Variants in NCKAP1L observed in about 807,000 individuals in gnomAD.
NCKAP1L encodes the protein nck-associated protein 1-like.
In NCKAP1L, 53 loss-of-function variants were observed where a neutral mutation model predicts 139.2. That is an observed-to-expected ratio of 0.38 (90% CI 0.31 to 0.48). The LOEUF (loss-of-function observed/expected upper bound fraction) is 0.48. NCKAP1L is among the 20% of genes least tolerant of loss of function. The pLI is 0.98. For synonymous variants in NCKAP1L, 468 were observed against 499.7 expected (o/e 0.94, Z 0.85); for missense variants, 1,151 against 1,381.9 (o/e 0.83, Z 2.65).
At position 54,542,923 on chromosome 12, in the gene NCKAP1L, C is replaced by A; in HGVS notation, c.*238C>A. 4.5e-6 allele frequency: 2 copies of A among 443,708 alleles called. No homozygotes were observed. Among genetic ancestry groups the A allele is most frequent in the Non-Finnish European group, 8.1e-6 (2 of 247,918 alleles). The allele number at this position is 443,708 out of a possible 1,614,324, so 27.5% of individuals were successfully genotyped here. ...TTATGGAAAAAGTTAGGGCGTGGGG[C>A]CACATGTGTGAATTTTACAATGAAA... On this transcript the variant is annotated 3_prime_UTR_variant, in exon 31 of 31. Coordinates refer to ENST00000293373, the MANE Select transcript of NCKAP1L (RefSeq NM_005337.5).
At chr12:54,534,981 T>C (rs1592352565) in intron 26 of NCKAP1L, 123 bp from the exon 27 acceptor site, 1 of 626,260 alleles carries the variant, frequency 1.6e-6, no homozygotes. Flanking sequence ...TCTCTACATA[T>C]ATATAAAAGC....
At position 54,547,503 on chromosome 12, in the gene NCKAP1L, C is replaced by CGCGTGTGTGT. The variant is rs1555173116; in HGVS notation, c.*4819_*4820insCGTGTGTGTG. The CGCGTGTGTGT allele has an allele frequency of 6.8e-6, 1 of 146,698 alleles. No homozygotes were observed. The highest frequency in any genetic ancestry group is 1.5e-5 in the Non-Finnish European group (1 of 66,626). 9.1% of individuals were successfully genotyped at this position (146,698 alleles called of 1,614,324 possible). ...TCACGAATAACTTTGTGTGTGTGTG[C>CGCGTGTGTGT]GTGTGTGTGTGTGTGTGTGTGTGTG... On this transcript the variant is annotated 3_prime_UTR_variant, in exon 31 of 31. Transcript: ENST00000293373.
chr12:54,518,179 A>C (rs1286042900), intron 13 of NCKAP1L, among the ~76,000 whole-genome samples: 1 of 152,072 alleles, frequency 6.6e-6, no homozygotes, highest in Non-Finnish European at 1.5e-5. Context: ...TCTCTACTAA[A>C]AATGCAAAAA....
intron 9 of NCKAP1L, among the ~76,000 whole-genome samples, chr12:54,515,649 G>A (rs748719574): frequency 2.0e-5 from 3 of 152,140 alleles, no homozygotes; most frequent in East Asian, 1.9e-4. Context: ...AGCAGAATTC[G>A]GTGGATTGTC....
At position 54,509,903 on chromosome 12, in the gene NCKAP1L, G is replaced by T. The variant is rs1201643257; in HGVS notation, c.653G>T (p.Gly218Val). The T allele has an allele frequency of 6.2e-7, 1 of 1,614,062 alleles. No individual in the cohort carries two copies. The highest frequency in any genetic ancestry group is 8.5e-7 in the Non-Finnish European group (1 of 1,180,048). Reference sequence around the variant, plus strand: ...TTCCTCTTTGTCCGAAGAAACCAGGGGGCTGAGCAGTGGCGCAGTGCCCAA... The same window carrying T: ...TTCCTCTTTGTCCGAAGAAACCAGGTGGCTGAGCAGTGGCGCAGTGCCCAA... ...LHFLFVRRNQ[G>V]AEQWRSAQLL... Residue 218 changes from glycine to valine, a missense_variant, in exon 7 of 31, where the codon GGG (glycine) becomes GTG (valine). By Grantham distance (109) the Gly-to-Val change is moderately radical. Transcript: ENST00000293373.
chr12:54,517,055 GGC>G, intron 11 of NCKAP1L, 63 bp downstream of exon 11: 4 of 1,372,196 alleles, frequency 2.9e-6, no homozygotes, highest in Non-Finnish European at 4.1e-6. Flanking sequence ...GTAGCTACGT[GGC>G]ACTCACGAGA....
chr12:54,539,704 C>A (rs1009871133), intron 30 of NCKAP1L, among the ~76,000 whole-genome samples: 2 of 152,194 alleles, frequency 1.3e-5, no homozygotes, highest in African/African-American at 4.8e-5. Flanking sequence ...GTTTAAAAGG[C>A]CCTCCTTGAG....
chr12:54,525,601 G>A (rs995889979), intron 20 of NCKAP1L, among the ~76,000 whole-genome samples: 5 of 152,132 alleles, frequency 3.3e-5, no homozygotes, highest in African/African-American at 9.7e-5. Context: ...TTGGCCTAGA[G>A]GTTTGGCCTC....
rs1410160580 is a variant in NCKAP1L, at chr12:54,524,562, T to C, written c.2156+606T>C. ...GGGAGGAAGAATTATTATGAATAAG[T>C]CTCAGCACTTCTGTGTTTTCTTTTG... On this transcript the variant is annotated intron_variant, in intron 20 of 30. Transcript: ENST00000293373. Among the ~76,000 whole-genome samples the C allele has an allele frequency of 2.0e-5, 3 of 152,166 alleles. No homozygotes were observed. In the East Asian group the frequency reaches 5.8e-4, roughly 29 times the overall value.
At chr12:54,523,786 A>T in intron 19 of NCKAP1L, 39 bp from the exon 20 acceptor site, 2 of 1,595,132 alleles carry the variant, frequency 1.3e-6, no homozygotes, top group Non-Finnish European at 1.7e-6. Flanking sequence ...ATTAGCAGGC[A>T]GTGCCAGACC....
At chr12:54,519,054 T>C in intron 15 of NCKAP1L, 82 bp downstream of exon 15, 1 of 1,550,668 alleles carries the variant, frequency 6.4e-7, no homozygotes, top group Non-Finnish European at 8.9e-7. Flanking sequence ...CTCCTAAATT[T>C]GCTTTATGGA....
intron 9 of NCKAP1L, chr12:54,512,460 G>A (rs1956896224): frequency 5.2e-6 from 1 of 192,144 alleles, no homozygotes; most frequent in East Asian, 1.3e-4. Context: ...ACCTCCCTAT[G>A]GCCTACCTCA....
At chr12:54,499,122 C>T (rs1029770208) in intron 1 of NCKAP1L, among the ~76,000 whole-genome samples, 4 of 152,020 alleles carry the variant, frequency 2.6e-5, no homozygotes, top group Non-Finnish European at 4.4e-5. Context: ...GACGGGGTTT[C>T]ACCATGTTGG....
intron 22 of NCKAP1L, among the ~76,000 whole-genome samples, chr12:54,529,717 G>A (rs1229552755): frequency 2.0e-5 from 3 of 152,180 alleles, no homozygotes; most frequent in African/African-American, 7.2e-5. Flanking sequence ...CAAATGACAA[G>A]CAGCAGGAGG....
intron 29 of NCKAP1L, among the ~76,000 whole-genome samples, chr12:54,538,540 C>CA (rs1420946256): frequency 1.3e-5 from 2 of 152,172 alleles, no homozygotes; most frequent in East Asian, 3.9e-4. Context: ...CCATAAACAG[C>CA]CTGATGACAG....
intron 3 of NCKAP1L, among the ~76,000 whole-genome samples, chr12:54,503,987 T>C (rs565776428): frequency 6.6e-6 from 1 of 152,304 alleles, no homozygotes; most frequent in Non-Finnish European, 1.5e-5. Context: ...GTTCATCATA[T>C]GTTGTTTAAT....
At chr12:54,540,318 A>C (rs577129687) in intron 30 of NCKAP1L, among the ~76,000 whole-genome samples, 17 of 152,134 alleles carry the variant, frequency 1.1e-4, no homozygotes, top group Non-Finnish European at 1.8e-4. Context: ...AACTAGAAAA[A>C]GGCCTAGGCT....
chr12:54,515,266 T>C (rs1215049096), intron 9 of NCKAP1L, among the ~76,000 whole-genome samples: 1 of 152,202 alleles, frequency 6.6e-6, no homozygotes, highest in African/African-American at 2.4e-5. Context: ...TTTGTGCTAG[T>C]TCAATAAAGT....
In NCKAP1L at chr12:54,531,424, T is replaced by TG. The variant is rs906956948; in HGVS notation, c.2605-60dup. 1.1e-5 allele frequency: 18 copies of TG among 1,602,004 alleles called. No individual in the cohort carries two copies. In the Middle Eastern group the frequency reaches 6.6e-4, roughly 59 times the overall value. ...AGGAAAGAGGGTGGGTATAGGAGAC[T>TG]GGGGGGGAAGATGTAACATTGGTCT... On this transcript the variant is annotated intron_variant, in intron 23 of 30. Coordinates refer to ENST00000293373, the MANE Select transcript of NCKAP1L (RefSeq NM_005337.5).
Sources: allele counts gnomAD v4.1 joint callset (sites outside exome capture counted in the v4.1 genomes callset), GRCh38; gene constraint gnomAD v4.1.1; transcripts MANE v1.5; gene names NCBI Gene and HGNC (gene_info 2026-07-23, HGNC 2026-07-21).